SERPINB7: variants seen among roughly 807,000 people sequenced by gnomAD.
SERPINB7 encodes the protein serpin family B member 7.
Under a neutral mutation model 37.4 loss-of-function variants are expected in SERPINB7, and 31 were observed. The observed-to-expected ratio is 0.83, with a 90% CI of 0.62 to 1.12. The LOEUF (loss-of-function observed/expected upper bound fraction) is 1.12. Among genes scored for constraint, SERPINB7 ranks in the 50% most tolerant of loss-of-function variants. The pLI is 0.00. For missense variants in SERPINB7, 521 were observed against 455.3 expected (o/e 1.14, Z -1.31); for synonymous variants, 163 against 166.1 (o/e 0.98, Z 0.14).
intron 1 of SERPINB7, among the ~76,000 whole-genome samples, chr18:63,756,089 G>T (rs917163380): frequency 2.2e-5 from 1 of 45,964 alleles, no homozygotes; most frequent in Non-Finnish European, 4.4e-5. Context: ...TATATATAGG[G>T]TTTACACACA....
intron 6 of SERPINB7, among the ~76,000 whole-genome samples, chr18:63,800,226 A>G (rs2144644740): frequency 6.6e-6 from 1 of 151,262 alleles, no homozygotes; most frequent in Admixed American, 6.6e-5. Flanking sequence ...GCTGTTTTTT[A>G]TTTTATTTTA....
At chr18:63,785,831 G>A (rs530379624) in intron 2 of SERPINB7, among the ~76,000 whole-genome samples, 20 of 148,198 alleles carry the variant, frequency 1.3e-4, no homozygotes, top group South Asian at 4.2e-4. Flanking sequence ...TTCCTATTTC[G>A]TAAGCTACTT....
upstream of SERPINB7, among the ~76,000 whole-genome samples, chr18:63,773,024 G>C (rs1235941100): frequency 6.6e-6 from 1 of 152,070 alleles, no homozygotes; most frequent in Non-Finnish European, 1.5e-5. Flanking sequence ...AGAGAAGAGA[G>C]GGTAAATATT....
At chr18:63,800,059 A>ATT (rs11347836) in intron 6 of SERPINB7, among the ~76,000 whole-genome samples, 3,545 of 143,742 alleles carry the variant, frequency 0.025, 153 homozygotes, top group African/African-American at 0.085. Flanking sequence ...TAAATAGCGT[A>ATT]TTTTTTTTTT....
At chr18:63,784,336 A>G (rs1201354763) in intron 2 of SERPINB7, among the ~76,000 whole-genome samples, 1 of 152,182 alleles carries the variant, frequency 6.6e-6, no homozygotes, top group Non-Finnish European at 1.5e-5. Flanking sequence ...TCTCATCAAC[A>G]ACTACCCGCA....
intron 1 of SERPINB7, among the ~76,000 whole-genome samples, chr18:63,765,535 C>A (rs769062054): frequency 6.6e-6 from 1 of 152,134 alleles, no homozygotes; most frequent in Non-Finnish European, 1.5e-5. Context: ...ATTTCACTAG[C>A]TTCCCTTCCC....
At position 63,796,353 on chromosome 18, in the gene SERPINB7, A is replaced by T. The variant is rs199973543; in HGVS notation, c.424A>T (p.Ile142Phe). 6.2e-7 allele frequency: 1 copy of T among 1,604,184 alleles called. No individual in the cohort carries two copies. Among genetic ancestry groups the T allele is most frequent in the Admixed American group, 1.7e-5 (1 of 59,914 alleles). ...TCATTTAGAAGACACTAGACGTAAT[A>T]TTAATAAGTGGGTTGAAAATGAAAC... ...TNHLEDTRRN[I>F]NKWVENETHG... Residue 142 changes from isoleucine (I) to phenylalanine (F), a missense_variant, in exon 5 of 8, where the codon ATT becomes TTT. By Grantham distance (21) the Ile-to-Phe change is conservative (BLOSUM62 0). Coordinates refer to ENST00000398019, the MANE Select transcript of SERPINB7 (RefSeq NM_003784.4).
chr18:63,779,877 G>A (rs2049285186), intron 1 of SERPINB7, among the ~76,000 whole-genome samples: 1 of 151,688 alleles, frequency 6.6e-6, no homozygotes, highest in Non-Finnish European at 1.5e-5. Flanking sequence ...TTGCCCCAAA[G>A]GATAAAATAG....
intron 1 of SERPINB7, among the ~76,000 whole-genome samples, chr18:63,761,116 C>T (rs2049151228): frequency 1.3e-5 from 2 of 152,330 alleles, no homozygotes; most frequent in Middle Eastern, 3.4e-3. Flanking sequence ...GGGAGGCAGG[C>T]TGTATCCTGC....
upstream of SERPINB7, among the ~76,000 whole-genome samples, chr18:63,771,831 T>A (rs1030727506): frequency 6.6e-6 from 1 of 152,050 alleles, no homozygotes; most frequent in African/African-American, 2.4e-5. Flanking sequence ...AGCCATATTG[T>A]CTTCTGACTT....
At chr18:63,760,267 C>A (rs2049145909) in intron 1 of SERPINB7, among the ~76,000 whole-genome samples, 1 of 152,054 alleles carries the variant, frequency 6.6e-6, no homozygotes, top group Non-Finnish European at 1.5e-5. Flanking sequence ...GCTTTTTGCC[C>A]CTGCCCTAGA....
chr18:63,780,693 T>C (rs190805921), intron 1 of SERPINB7, among the ~76,000 whole-genome samples: 3 of 152,198 alleles, frequency 2.0e-5, no homozygotes, highest in Non-Finnish European at 2.9e-5. Context: ...AGTAAAGATA[T>C]GTGGGGTGTG....
intron 1 of SERPINB7, among the ~76,000 whole-genome samples, chr18:63,781,709 G>A (rs187429175): frequency 6.6e-6 from 1 of 152,198 alleles, no homozygotes. Context: ...GAAGAAATAG[G>A]CCTATGTGTT....
chr18:63,774,088 A>AT (rs113847723), upstream of SERPINB7, among the ~76,000 whole-genome samples: 2,550 of 149,576 alleles, frequency 0.017, 36 homozygotes, highest in African/African-American at 0.048. Flanking sequence ...TTGTAGGCTC[A>AT]TTTTTTTTTT....
In SERPINB7 at chr18:63,759,659, G is replaced by T. The variant is rs114509768; in HGVS notation, c.-19+6539G>T. 8.2e-3 allele frequency among the ~76,000 whole-genome samples: 1,252 copies of T among 152,242 alleles called. 12 individuals are homozygous for T. Among genetic ancestry groups the T allele is most frequent in the African/African-American group, 0.029 (1,193 of 41,544 alleles). Reference sequence around the variant, plus strand: ...TCCACCCAAATTCTCATCTTGAATTGTATCTCCCAGAATTCCCATGTGTTG... The same window carrying T: ...TCCACCCAAATTCTCATCTTGAATTTTATCTCCCAGAATTCCCATGTGTTG... On this transcript the variant is annotated intron_variant, in intron 1 of 7. Transcript: ENST00000336429.
At chr18:63,794,247 C>T (rs2049461637) in intron 4 of SERPINB7, among the ~76,000 whole-genome samples, 1 of 150,848 alleles carries the variant, frequency 6.6e-6, no homozygotes, top group South Asian at 2.1e-4. Flanking sequence ...CAGGCATGAG[C>T]CACTACATCT....
rs147729001 is a variant in SERPINB7, at chr18:63,780,392, A to T, written c.-18-1963A>T. Among the ~76,000 whole-genome samples, 281 of 152,308 alleles carry T rather than the reference A, an allele frequency of 1.8e-3. 1 individual carries two copies. The highest frequency in any genetic ancestry group is 6.3e-3 in the African/African-American group (261 of 41,572). ...TCTTATTTTTTCATATTTTAGAAGG[A>T]ATACTTATCTTTAGGTCAAAAATAT... On this transcript the variant is annotated intron_variant, in intron 1 of 7. Coordinates refer to ENST00000398019, the MANE Select transcript of SERPINB7 (RefSeq NM_003784.4).
chr18:63,788,347 A>G (rs1033906937), intron 2 of SERPINB7, among the ~76,000 whole-genome samples: 5 of 152,348 alleles, frequency 3.3e-5, no homozygotes, highest in South Asian at 2.1e-4. Flanking sequence ...TTATTCACAA[A>G]AAAGTTTAAA....
Position 63,798,605 on chromosome 18 carries a change from C to T in SERPINB7, c.456C>T (p.Gly152=). ...INKWVENETH[G]KIKNVIGEGG... ...TTCCCTCAATTTTTTTTTCAAAAGGCAAAATCAAGAACGTGATTGGTGAAG... is the reference window on the plus strand; with the variant it reads ...TTCCCTCAATTTTTTTTTCAAAAGGTAAAATCAAGAACGTGATTGGTGAAG... Residue 152 remains glycine (G), a splice_region_variant and synonymous_variant, in exon 6 of 8, where the codon GGC becomes GGT. Transcript: ENST00000398019. 2.6e-6 allele frequency: 4 copies of T among 1,522,244 alleles called. No homozygotes were observed. Among genetic ancestry groups the T allele is most frequent in the African/African-American group, 1.4e-5 (1 of 70,474 alleles). 94.3% of individuals were successfully genotyped at this position (1,522,244 alleles called of 1,614,324 possible). A position where few individuals can be genotyped will look rare whatever the true frequency, so the allele number is the denominator to read the frequency against.
Sources: gnomAD v4.1 joint callset for allele counts (sites outside exome capture counted in the v4.1 genomes callset) on GRCh38, gnomAD v4.1.1 for gene constraint, MANE v1.5 for transcripts, NCBI Gene and HGNC (gene_info 2026-07-23, HGNC 2026-07-21) for gene names.